Variants in DPH7 observed in about 807,000 individuals in gnomAD.
DPH7 encodes diphthine methyltransferase.
In DPH7, 44 loss-of-function variants were observed where a neutral mutation model predicts 41.7. The observed-to-expected ratio is 1.05, with a 90% CI of 0.83 to 1.36. The LOEUF (loss-of-function observed/expected upper bound fraction) is 1.36. DPH7 is among the 40% of genes most tolerant of loss of function. DPH7 has a pLI of 0.00. For missense variants in DPH7, 629 were observed against 577.5 expected (o/e 1.09, Z -0.91); for synonymous variants, 275 against 238.0 (o/e 1.16, Z -1.43).
At chr9:137,563,994 G>C (rs1285271708) in intron 8 of DPH7, among the ~76,000 whole-genome samples, 1 of 152,182 alleles carries the variant, frequency 6.6e-6, no homozygotes, top group Non-Finnish European at 1.5e-5. Flanking sequence ...AAACAACACT[G>C]GGTTCTGCCC....
At chr9:137,577,920 A>G in intron 1 of DPH7, 1 of 972,958 alleles carries the variant, frequency 1.0e-6, no homozygotes, top group Non-Finnish European at 1.2e-6. Flanking sequence ...GGATCCTAAT[A>G]TGTACCCACC....
intron 3 of DPH7, chr9:137,575,137 C>T (rs1190526794): frequency 1.4e-5 from 16 of 1,135,534 alleles, no homozygotes; most frequent in Non-Finnish European, 1.7e-5. Context: ...CCTTGCGCTC[C>T]TAGATGCTGT....
rs984665520 is a variant in DPH7, at chr9:137,564,964, A to T, written c.711-6T>A. On this transcript the variant is annotated splice_region_variant and splice_polypyrimidine_tract_variant and intron_variant, in intron 6 of 8. Transcript: ENST00000277540. The stretch of plus-strand genomic sequence containing the variant: ...TGCACACACCCATGGTGTGTCTGCA[A>T]GCAGAGGCGGCTTCTGAACCAGTGT... The T allele has an allele frequency of 6.3e-7, 1 of 1,595,018 alleles. No homozygotes were observed. The highest frequency in any genetic ancestry group is 8.5e-7 in the Non-Finnish European group (1 of 1,170,646).
At position 137,564,474 on chromosome 9, in the gene DPH7, C is replaced by T; in HGVS notation, c.909G>A (p.Met303Ile). 2 of 1,614,086 alleles carry T rather than the reference C, an allele frequency of 1.2e-6. No homozygotes were observed. Among genetic ancestry groups the T allele is most frequent in the Non-Finnish European group, 1.7e-6 (2 of 1,180,000 alleles). Residue 303 changes from methionine to isoleucine, a missense_variant, in exon 8 of 9, where the codon ATG becomes ATA. Physicochemically the swap from Met to Ile is conservative, Grantham distance 10 (BLOSUM62 1). Coordinates refer to ENST00000277540, the MANE Select transcript of DPH7 (RefSeq NM_138778.5). ...FHHHLLLAAC[M>I]HSGFKILNCQ... ...AGTTGAGGATCTTAAAGCCACTGTG[C>T]ATGCAGGCGGCCAGGAGCAGGTGGT...
chr9:137,555,891 A>G (rs1474381534), intron 8 of DPH7, among the ~76,000 whole-genome samples: 1 of 152,262 alleles, frequency 6.6e-6, no homozygotes, highest in Non-Finnish European at 1.5e-5. Flanking sequence ...GCGGGGCTAC[A>G]GAACCTCACT....
chr9:137,559,718 C>T (rs1272066695), intron 8 of DPH7, among the ~76,000 whole-genome samples: 2 of 152,240 alleles, frequency 1.3e-5, no homozygotes. Context: ...CAGGGAAGGG[C>T]CCCCTGTCCA....
rs1302096166 is a variant in DPH7, at chr9:137,575,006, G to C, written c.376-163C>G. The C allele has an allele frequency of 2.8e-6, 4 of 1,422,710 alleles. No homozygotes were observed. The African/African-American group carries it at 5.8e-5, about 21-fold the overall frequency. The allele number at this position is 1,422,710 out of a possible 1,614,324, so 88.1% of individuals were successfully genotyped here. On this transcript the variant is annotated intron_variant, in intron 3 of 8. Transcript: ENST00000277540. The stretch of plus-strand genomic sequence containing the variant: ...ACCTCCACCTAACACTGAAACCCCT[G>C]CTAGGGGCCCCGAGAAGACCTGGGG...
chr9:137,576,634 T>C (rs1841436845), intron 2 of DPH7, among the ~76,000 whole-genome samples: 1 of 152,126 alleles, frequency 6.6e-6, no homozygotes, highest in Non-Finnish European at 1.5e-5. Context: ...CTCACGCCTG[T>C]AATCCCAGCA....
At chr9:137,564,301 G>C (rs575236740) in intron 8 of DPH7, 133 bp downstream of exon 8, 3 of 1,136,330 alleles carry the variant, frequency 2.6e-6, no homozygotes, top group Admixed American at 5.6e-5. Flanking sequence ...CGCGACGCTG[G>C]GAGTGTGTAA....
At chr9:137,576,822 G>A (rs1426267729) in intron 2 of DPH7, among the ~76,000 whole-genome samples, 4 of 152,050 alleles carry the variant, frequency 2.6e-5, no homozygotes, top group African/African-American at 7.2e-5. Flanking sequence ...CTCAGGAGGC[G>A]GAGCTTGCAG....
chr9:137,561,112 A>G (rs958191640), intron 8 of DPH7, among the ~76,000 whole-genome samples: 1 of 152,180 alleles, frequency 6.6e-6, no homozygotes, highest in Non-Finnish European at 1.5e-5. Context: ...GAATTGGGTA[A>G]AAGTCTGAAA....
At chr9:137,574,134 C>A in intron 5 of DPH7, 74 bp downstream of exon 5, 1 of 1,473,470 alleles carries the variant, frequency 6.8e-7, no homozygotes, top group Admixed American at 1.8e-5. Context: ...AGCTGTGGCA[C>A]AGGCCTCCCT....
At position 137,574,733 on chromosome 9, in the gene DPH7, G is replaced by C; in HGVS notation, c.467+19C>G. The stretch of plus-strand genomic sequence containing the variant: ...TCTCAGAGAAAGACTCAGGACCCCT[G>C]ACCAAGCCTGGCCCTTACCTTCCAG... On this transcript the variant is annotated intron_variant, in intron 4 of 8. Transcript: ENST00000277540. The C allele has an allele frequency of 6.2e-7, 1 of 1,611,102 alleles. No individual in the cohort carries two copies. The highest frequency in any genetic ancestry group is 8.5e-7 in the Non-Finnish European group (1 of 1,178,788).
At chr9:137,577,010 C>T (rs1286563060) in intron 2 of DPH7, among the ~76,000 whole-genome samples, 4 of 149,414 alleles carry the variant, frequency 2.7e-5, no homozygotes, top group African/African-American at 7.5e-5. Context: ...GCTATGATCA[C>T]GTGACTGCAT....
intron 2 of DPH7, among the ~76,000 whole-genome samples, chr9:137,577,206 G>C (rs996784658): frequency 1.2e-4 from 18 of 152,230 alleles, no homozygotes; most frequent in Middle Eastern, 3.4e-3. Flanking sequence ...TCCAAAAGTG[G>C]GCTAGAGCCT....
chr9:137,563,615 TG>T (rs1221544828), intron 8 of DPH7, among the ~76,000 whole-genome samples: 1 of 151,378 alleles, frequency 6.6e-6, no homozygotes, highest in Non-Finnish European at 1.5e-5. Flanking sequence ...GAGAAGAAAC[TG>T]GCCTTGGGAA....
At chr9:137,564,173 AG>A (rs372231006) in intron 8 of DPH7, among the ~76,000 whole-genome samples, 6 of 149,380 alleles carry the variant, frequency 4.0e-5, no homozygotes, top group African/African-American at 1.5e-4. Context: ...GTGGGGTCAG[AG>A]GTCTGCCGAA....
rs184745141 is a variant in DPH7, at chr9:137,554,535, C to T, written c.*704G>A. Among the ~76,000 whole-genome samples, 206 of 152,274 alleles carry T rather than the reference C, an allele frequency of 1.4e-3. No homozygotes were observed. Among genetic ancestry groups the T allele is most frequent in the African/African-American group, 4.7e-3 (194 of 41,550 alleles). The stretch of plus-strand genomic sequence containing the variant: ...CTCATTGCAGCCTCGACCTCCTGGG[C>T]TCAACAATCCTCCTGCCTCAGCCTC... On this transcript the variant is annotated 3_prime_UTR_variant, in exon 9 of 9. Coordinates refer to ENST00000277540, the MANE Select transcript of DPH7 (RefSeq NM_138778.5).
chr9:137,564,763 G>A (rs910985229), intron 7 of DPH7, 130 bp downstream of exon 7: 21 of 1,424,920 alleles, frequency 1.5e-5, no homozygotes, highest in East Asian at 7.1e-5. Flanking sequence ...ACACTCCGGC[G>A]AAGCACTGGC....
Sources: allele counts gnomAD v4.1 joint callset (sites outside exome capture counted in the v4.1 genomes callset), GRCh38; gene constraint gnomAD v4.1.1; transcripts MANE v1.5; gene names NCBI Gene and HGNC (gene_info 2026-07-23, HGNC 2026-07-21).